TMEM135: variants seen among roughly 807,000 people sequenced by gnomAD.
The protein encoded by TMEM135 is transmembrane protein 135, also known as peroxisomal membrane protein 52.
In TMEM135, 30 loss-of-function variants were observed where a neutral mutation model predicts 60.3. That is an observed-to-expected ratio of 0.50 (90% CI 0.37 to 0.68). TMEM135 has a LOEUF of 0.68. TMEM135 is among the 30% of genes least tolerant of loss of function. The pLI is 0.00. For missense variants in TMEM135, 468 were observed against 548.8 expected, an observed-to-expected ratio of 0.85 and a Z score of 1.47; for synonymous variants, 190 against 186.7, an observed-to-expected ratio of 1.02 and a Z score of -0.14.
chr11:87,106,645 T>C (rs1419570195), intron 4 of TMEM135, among the ~76,000 whole-genome samples: 1 of 152,186 alleles, frequency 6.6e-6, no homozygotes, highest in Non-Finnish European at 1.5e-5. Context: ...TATTAGTTTT[T>C]CTGTAAGTGT....
chr11:87,066,484 A>G (rs1346653376), intron 1 of TMEM135, among the ~76,000 whole-genome samples: 1 of 151,956 alleles, frequency 6.6e-6, no homozygotes, highest in Admixed American at 6.6e-5. Context: ...CTGGAACGTT[A>G]ATAGTCTGCT....
At chr11:87,249,150 G>C (rs893496720) in intron 6 of TMEM135, among the ~76,000 whole-genome samples, 5 of 152,118 alleles carry the variant, frequency 3.3e-5, no homozygotes, top group African/African-American at 1.2e-4. Flanking sequence ...CATGAAAGTG[G>C]GCATCCCTGT....
intron 4 of TMEM135, among the ~76,000 whole-genome samples, chr11:87,155,019 A>C (rs913426207): frequency 2.7e-4 from 19 of 71,504 alleles, no homozygotes; most frequent in Non-Finnish European, 4.6e-4. Context: ...TTATTTAGAG[A>C]CTGAGTTTCA....
At chr11:87,236,585 A>G in intron 5 of TMEM135, 53 bp from the exon 6 acceptor site, 1 of 1,539,044 alleles carries the variant, frequency 6.5e-7, no homozygotes, top group South Asian at 1.1e-5. Context: ...TGAGTCACTC[A>G]AATGGTGATG....
chr11:87,241,668 A>AT (rs1941137564), intron 6 of TMEM135, among the ~76,000 whole-genome samples: 2 of 151,612 alleles, frequency 1.3e-5, no homozygotes, highest in South Asian at 4.1e-4. Flanking sequence ...CCCCACCACT[A>AT]TTTTTTCCAG....
chr11:87,058,122 G>A (rs568710193), intron 1 of TMEM135, among the ~76,000 whole-genome samples: 11 of 152,278 alleles, frequency 7.2e-5, no homozygotes, highest in African/African-American at 2.6e-4. Flanking sequence ...CTGAGAGGAT[G>A]AAGCCTACTC....
Position 87,318,202 on chromosome 11 carries a change from C to T in TMEM135, c.1143C>T (p.Ile381=), listed in dbSNP as rs1418939906. 1 of 1,612,478 alleles carries T rather than the reference C, an allele frequency of 6.2e-7. No individual in the cohort carries two copies. The highest frequency in any genetic ancestry group is 2.2e-5 in the East Asian group (1 of 44,838). ...VPYFPHADTI[I]YSISTAICFQ... ...ATTTTCCTCATGCAGATACTATCAT[C>T]TATTCCATCTCTACAGCAATTTGCT... Residue 381 remains isoleucine, a synonymous_variant, in exon 13 of 15, where the codon ATC becomes ATT. Transcript: ENST00000305494.
chr11:87,312,336 T>C (rs943227247), intron 10 of TMEM135, among the ~76,000 whole-genome samples: 3 of 151,954 alleles, frequency 2.0e-5, no homozygotes, highest in Admixed American at 2.0e-4. Flanking sequence ...TCAAGTAATG[T>C]TATACTACTT....
intron 6 of TMEM135, among the ~76,000 whole-genome samples, chr11:87,253,682 T>C (rs576809028): frequency 1.8e-4 from 2 of 11,428 alleles, no homozygotes; most frequent in Admixed American, 1.2e-3. Flanking sequence ...TATATATATA[T>C]ATATATATAT....
At chr11:87,096,112 T>TATATAAAGAAATAAG in intron 4 of TMEM135, 1 of 281,986 alleles carries the variant, frequency 3.5e-6, no homozygotes, top group African/African-American at 2.4e-5. Context: ...CCTTCACCAA[T>TATATAAAGAAATAAG]ATAAAGAAAA....
chr11:87,192,439 G>A (rs547792109), intron 5 of TMEM135, among the ~76,000 whole-genome samples: 1 of 152,076 alleles, frequency 6.6e-6, no homozygotes, highest in East Asian at 1.9e-4. Flanking sequence ...AATGAATTAC[G>A]TATTTATGTA....
chr11:87,171,181 G>A (rs1365563315), intron 5 of TMEM135, among the ~76,000 whole-genome samples: 7 of 152,140 alleles, frequency 4.6e-5, no homozygotes, highest in Non-Finnish European at 1.0e-4. Flanking sequence ...GGTGGGTGGT[G>A]TCATGTTGAA....
At chr11:87,167,929 T>C (rs484403) in intron 5 of TMEM135, among the ~76,000 whole-genome samples, 65,286 of 151,880 alleles carry the variant, frequency 0.43, 14,924 homozygotes, top group East Asian at 0.67. Context: ...GGTGTGAATC[T>C]GTCAGGTCCT....
chr11:87,231,982 C>T (rs1449117449), intron 5 of TMEM135, among the ~76,000 whole-genome samples: 2 of 150,028 alleles, frequency 1.3e-5, no homozygotes, highest in East Asian at 3.9e-4. Flanking sequence ...GACAGAGTCT[C>T]ATTCCATCAC....
At position 87,325,775 on chromosome 11, in the gene TMEM135, T is replaced by C. The variant is rs1942903372; in HGVS notation, c.*4442T>C. 2 of 453,900 alleles carry C rather than the reference T, an allele frequency of 4.4e-6. No homozygotes were observed. The highest frequency in any genetic ancestry group is 2.4e-5 in the Admixed American group (1 of 42,528). The allele number at this position is 453,900 out of a possible 1,614,324, so 28.1% of individuals were successfully genotyped here. A position where few individuals can be genotyped will look rare whatever the true frequency, so the allele number is the denominator to read the frequency against. On this transcript the variant is annotated 3_prime_UTR_variant, in exon 15 of 15. Coordinates refer to ENST00000305494, the MANE Select transcript of TMEM135 (RefSeq NM_022918.4). ...ATAATTGCACAGATATGGAAGGAGA[T>C]GTTTCTCTGTATGTGAAGCCTTTAA... is the stretch of plus-strand genomic sequence containing the variant.
chr11:87,080,170 T>TTTG (rs1406418508), intron 3 of TMEM135, among the ~76,000 whole-genome samples: 4 of 120,276 alleles, frequency 3.3e-5, no homozygotes, highest in East Asian at 4.4e-4. Context: ...TTTGCAGTGT[T>TTTG]TTTTTTTTTT....
chr11:87,110,986 C>T (rs1857729510), intron 4 of TMEM135, among the ~76,000 whole-genome samples: 1 of 152,110 alleles, frequency 6.6e-6, no homozygotes, highest in African/African-American at 2.4e-5. Context: ...CCATAGATGC[C>T]TTATGTACTT....
intron 13 of TMEM135, 69 bp downstream of exon 13, chr11:87,318,304 G>T: frequency 9.2e-7 from 1 of 1,091,794 alleles, no homozygotes; most frequent in East Asian, 2.4e-5. Context: ...TCAAATGGGA[G>T]AGAAACAAAC....
At chr11:87,280,612 AC>A (rs2135419857) in intron 6 of TMEM135, among the ~76,000 whole-genome samples, 1 of 152,256 alleles carries the variant, frequency 6.6e-6, no homozygotes, top group African/African-American at 2.4e-5. Flanking sequence ...TGTCAGACAC[AC>A]TTGCTTTGTG....
Sources: gnomAD v4.1 joint callset for allele counts (sites outside exome capture counted in the v4.1 genomes callset) on GRCh38, gnomAD v4.1.1 for gene constraint, MANE v1.5 for transcripts, NCBI Gene and HGNC (gene_info 2026-07-23, HGNC 2026-07-21) for gene names.